Variants in VAC14 observed in about 807,000 individuals in gnomAD.
VAC14 encodes VAC14 component of PIKFYVE complex.
VAC14 carries 47 observed loss-of-function variants against 85.3 expected under a neutral mutation model. The observed-to-expected ratio is 0.55, with a 90% CI of 0.44 to 0.70. The LOEUF is 0.70. Among genes scored for constraint, VAC14 ranks in the 30% least tolerant of loss-of-function variants. The probability of loss-of-function intolerance (pLI) is 0.00; values close to 1 mark genes in which losing one functional copy is unlikely to be tolerated. For missense variants in VAC14, 861 were observed against 1,004.3 expected (o/e 0.86, Z 1.93); for synonymous variants, 447 against 430.5 (o/e 1.04, Z -0.47).
At chr16:70,693,203 T>G (rs1226450453) in intron 17 of VAC14, among the ~76,000 whole-genome samples, 1 of 152,148 alleles carries the variant, frequency 6.6e-6, no homozygotes, top group East Asian at 1.9e-4. Flanking sequence ...GTCCTAGCCG[T>G]TTCCATGATC....
At chr16:70,743,934 A>C (rs1482346292) in intron 13 of VAC14, among the ~76,000 whole-genome samples, 1 of 152,042 alleles carries the variant, frequency 6.6e-6, no homozygotes, top group Non-Finnish European at 1.5e-5. Flanking sequence ...TGCTACGGCC[A>C]CCTTTACTTC....
At chr16:70,752,918 G>A (rs2031504309) in intron 12 of VAC14, among the ~76,000 whole-genome samples, 1 of 152,156 alleles carries the variant, frequency 6.6e-6, no homozygotes, top group Non-Finnish European at 1.5e-5. Context: ...GGCCACGATG[G>A]AGAGGGATTA....
intron 14 of VAC14, among the ~76,000 whole-genome samples, chr16:70,729,092 G>A (rs117276763): frequency 0.013 from 1,995 of 152,272 alleles, 23 homozygotes; most frequent in Non-Finnish European, 0.022. Context: ...CCTCCCTAGG[G>A]GACCTCTGGC....
intron 16 of VAC14, 137 bp from the exon 17 acceptor site, chr16:70,695,760 G>A: frequency 1.3e-6 from 1 of 747,318 alleles, no homozygotes; most frequent in Non-Finnish European, 2.2e-6. Context: ...GGCGCACAAA[G>A]GACACCAGGC....
intron 14 of VAC14, among the ~76,000 whole-genome samples, chr16:70,717,725 A>G (rs1302379819): frequency 6.6e-6 from 1 of 152,046 alleles, no homozygotes; most frequent in Non-Finnish European, 1.5e-5. Context: ...GCACGATCTC[A>G]GCTCACTGCA....
intron 12 of VAC14, among the ~76,000 whole-genome samples, chr16:70,746,673 G>A (rs945711495): frequency 2.0e-5 from 3 of 152,212 alleles, no homozygotes; most frequent in Non-Finnish European, 4.4e-5. Flanking sequence ...GGGATTCTTT[G>A]CTTCAGCCAC....
chr16:70,701,213 T>G (rs986131342), intron 14 of VAC14, among the ~76,000 whole-genome samples: 1 of 152,162 alleles, frequency 6.6e-6, no homozygotes, highest in Non-Finnish European at 1.5e-5. Flanking sequence ...TGGTAGTCTG[T>G]GGTCCCAATC....
intron 10 of VAC14, 106 bp downstream of exon 10, chr16:70,772,003 G>A: frequency 9.8e-7 from 1 of 1,015,280 alleles, no homozygotes; most frequent in Admixed American, 2.1e-5. Flanking sequence ...AAAAGCAGCA[G>A]CCGCGAGTAG....
At position 70,786,476 on chromosome 16, in the gene VAC14, G is replaced by A. The variant is rs941018326; in HGVS notation, c.105-111C>T. ...ATGACCTGTTTGGAAAGAGGAAATGGGAGACAGGCGTCTCAGGGCAGGTCT... is the reference window on the plus strand; with the variant it reads ...ATGACCTGTTTGGAAAGAGGAAATGAGAGACAGGCGTCTCAGGGCAGGTCT... On this transcript the variant is annotated intron_variant, in intron 1 of 18. Coordinates refer to ENST00000261776, the MANE Select transcript of VAC14 (RefSeq NM_018052.5). The A allele has an allele frequency of 5.7e-6, 8 of 1,415,658 alleles. No homozygotes were observed. The South Asian group carries it at 8.1e-5, about 14-fold the overall frequency. The allele number at this position is 1,415,658 out of a possible 1,614,324, so 87.7% of individuals were successfully genotyped here.
chr16:70,779,193 G>A (rs1597998842), intron 9 of VAC14: 1 of 152,372 alleles, frequency 6.6e-6, no homozygotes, highest in East Asian at 1.9e-4. Flanking sequence ...TGACACCTGA[G>A]ATGGGTCCAG....
At chr16:70,717,480 T>C (rs1423858937) in intron 14 of VAC14, among the ~76,000 whole-genome samples, 3 of 151,972 alleles carry the variant, frequency 2.0e-5, no homozygotes, top group South Asian at 2.1e-4. Context: ...TTTCCGGATA[T>C]AGATCGGCAC....
chr16:70,789,000 TGTTG>T (rs1442419980), intron 1 of VAC14, among the ~76,000 whole-genome samples: 5 of 152,250 alleles, frequency 3.3e-5, no homozygotes, highest in African/African-American at 1.2e-4. Context: ...AGGGGACTCC[TGTTG>T]TGCTGTCCTC....
intron 12 of VAC14, chr16:70,756,107 G>A (rs1370448396): frequency 4.4e-6 from 2 of 456,764 alleles, no homozygotes; most frequent in South Asian, 3.1e-5. Context: ...TACATCTGTG[G>A]ACCGGATGGC....
At chr16:70,784,298 C>T in intron 4 of VAC14, 78 bp from the exon 5 acceptor site, 1 of 1,232,654 alleles carries the variant, frequency 8.1e-7, no homozygotes, top group South Asian at 1.3e-5. Context: ...TTGCCCAGGG[C>T]TGGCTCCAGC....
Position 70,783,510 on chromosome 16 carries a change from GTA to G in VAC14, c.637_638del (p.Tyr213ProfsTer14), listed in dbSNP as rs1237682986. 1 of 1,613,976 alleles carries G rather than the reference GTA, an allele frequency of 6.2e-7. No individual in the cohort carries two copies. Among genetic ancestry groups the G allele is most frequent in the Non-Finnish European group, 8.5e-7 (1 of 1,180,042 alleles). The stretch of plus-strand genomic sequence containing the variant: ...AGAGTCCATCCAGGATCTCCGGCAG[GTA>G]ATCCAGCAGGTTAATGTCTGGCACC... ...ESVPDINLLD[Y>X]LPEILDGLFQ... On this transcript the variant is annotated frameshift_variant, in exon 6 of 19. Coordinates refer to ENST00000261776, the MANE Select transcript of VAC14 (RefSeq NM_018052.5). LOFTEE classifies it high-confidence loss of function.
intron 18 of VAC14, chr16:70,688,463 G>A (rs2053540211): frequency 2.0e-6 from 2 of 995,182 alleles, no homozygotes; most frequent in Non-Finnish European, 2.4e-6. Context: ...AACAGGGTCT[G>A]GGGAGAAGGG....
chr16:70,703,414 G>A (rs950885276), intron 14 of VAC14, among the ~76,000 whole-genome samples: 1 of 150,780 alleles, frequency 6.6e-6, no homozygotes, highest in Non-Finnish European at 1.5e-5. Flanking sequence ...CTGGAGGAGG[G>A]CAGGGGTCCA....
chr16:70,729,485 G>A (rs1028964250), intron 14 of VAC14, among the ~76,000 whole-genome samples: 1 of 152,028 alleles, frequency 6.6e-6, no homozygotes, highest in African/African-American at 2.4e-5. Context: ...TGAGCTGGCC[G>A]GTCACCTCCT....
At chr16:70,731,389 G>A (rs2054585367) in intron 14 of VAC14, 106 bp downstream of exon 14, 1 of 1,521,694 alleles carries the variant, frequency 6.6e-7, no homozygotes, top group Non-Finnish European at 8.8e-7. Context: ...GGAAAAGGAG[G>A]AGAGAGAAGG....
Sources: gnomAD v4.1 joint callset for allele counts (sites outside exome capture counted in the v4.1 genomes callset) on GRCh38, gnomAD v4.1.1 for gene constraint, MANE v1.5 for transcripts, NCBI Gene and HGNC (gene_info 2026-07-23, HGNC 2026-07-21) for gene names.